The following CSGALNACT2 variants were observed in gnomAD, a reference collection of about 807,000 sequenced individuals.
The protein encoded by CSGALNACT2 is beta 4 GalNAcT-2.
CSGALNACT2 carries 35 observed loss-of-function variants against 55.3 expected under a neutral mutation model. The observed-to-expected ratio is 0.63, with a 90% CI of 0.48 to 0.84. CSGALNACT2 has a LOEUF of 0.84. Among genes scored for constraint, CSGALNACT2 ranks in the 40% least tolerant of loss-of-function variants. The pLI is 0.00. For missense variants in CSGALNACT2, 544 were observed against 657.5 expected, an observed-to-expected ratio of 0.83 and a Z score of 1.89; for synonymous variants, 196 against 224.9, an observed-to-expected ratio of 0.87 and a Z score of 1.15.
At chr10:43,174,967 AT>A (rs1396208274) in intron 6 of CSGALNACT2, among the ~76,000 whole-genome samples, 1 of 152,224 alleles carries the variant, frequency 6.6e-6, no homozygotes, top group Non-Finnish European at 1.5e-5. Context: ...ACTCAGTGTC[AT>A]CAATGCCCTG....
intron 6 of CSGALNACT2, among the ~76,000 whole-genome samples, chr10:43,173,363 C>G (rs1839418696): frequency 6.6e-6 from 1 of 152,162 alleles, no homozygotes; most frequent in Non-Finnish European, 1.5e-5. Flanking sequence ...ATCTGGCATT[C>G]TGTGAGAGGC....
At chr10:43,170,501 A>C (rs1839361634) in intron 6 of CSGALNACT2, among the ~76,000 whole-genome samples, 1 of 152,220 alleles carries the variant, frequency 6.6e-6, no homozygotes, top group South Asian at 2.1e-4. Flanking sequence ...TGAGCAATGA[A>C]ATAAATAACT....
At position 43,155,263 on chromosome 10, in the gene CSGALNACT2, T is replaced by C; in HGVS notation, c.114T>C (p.Thr38=). ...FMYLLECAPQ[T]DGNASLPGVV... is the part of the protein sequence containing the mutation. Reference sequence around the variant, plus strand: ...ACCTCCTGGAATGTGCCCCCCAGACTGATGGAAATGCATCTCTTCCTGGTG... The same window carrying C: ...ACCTCCTGGAATGTGCCCCCCAGACCGATGGAAATGCATCTCTTCCTGGTG... Residue 38 remains threonine (T), a synonymous_variant, in exon 2 of 8, where the codon ACT becomes ACC. Transcript: ENST00000374466. 1 of 1,614,164 alleles carries C rather than the reference T, an allele frequency of 6.2e-7. No individual in the cohort carries two copies. Among genetic ancestry groups the C allele is most frequent in the Non-Finnish European group, 8.5e-7 (1 of 1,180,024 alleles).
intron 5 of CSGALNACT2, among the ~76,000 whole-genome samples, chr10:43,164,256 C>T (rs1839212804): frequency 6.6e-6 from 1 of 152,264 alleles, no homozygotes; most frequent in South Asian, 2.1e-4. Flanking sequence ...TTGGGTCCAA[C>T]TTCCAGTGAC....
chr10:43,140,145 A>C (rs1164761320), intron 1 of CSGALNACT2, among the ~76,000 whole-genome samples: 3 of 152,214 alleles, frequency 2.0e-5, no homozygotes, highest in Non-Finnish European at 4.4e-5. Context: ...ACTGCACTCC[A>C]GCCTGGACGA....
chr10:43,163,747 G>A (rs1839200808), intron 4 of CSGALNACT2, 119 bp from the exon 5 acceptor site: 2 of 1,377,398 alleles, frequency 1.5e-6, no homozygotes, highest in Middle Eastern at 2.1e-4. Flanking sequence ...CTTTGTGAAT[G>A]TAGAACCAAT....
At chr10:43,146,050 CTAGAGGGACAG>C (rs1160104866) in intron 1 of CSGALNACT2, among the ~76,000 whole-genome samples, 2 of 151,944 alleles carry the variant, frequency 1.3e-5, no homozygotes, top group Non-Finnish European at 2.9e-5. Flanking sequence ...TCTGGGTTCT[CTAGAGGGACAG>C]AACTAAGAGG....
rs757489189 is a variant in CSGALNACT2 at position 43,183,575 on chromosome 10, A to T, written c.*33A>T. The stretch of plus-strand genomic sequence containing the variant: ...ATTAATGCGTTACTGTATGAACCAC[A>T]AAACAGCACTATTTATTTAGCCTTA... On this transcript the variant is annotated 3_prime_UTR_variant, in exon 8 of 8. Transcript: ENST00000374466. The T allele has an allele frequency of 6.4e-6, 10 of 1,565,900 alleles. No individual in the cohort carries two copies. The South Asian group carries it at 1.0e-4, about 16-fold the overall frequency.
chr10:43,158,852 A>G lies in CSGALNACT2; in HGVS notation c.799A>G (p.Ile267Val). The G allele has an allele frequency of 6.2e-7, 1 of 1,610,770 alleles. No homozygotes were observed. The highest frequency in any genetic ancestry group is 1.7e-4 in the Middle Eastern group (1 of 6,058). ...GAAAGTGAAGAGTGAGATGATTGAC[A>G]TCACTAGATCAATTATTAATATCAT... is the stretch of plus-strand genomic sequence containing the variant. ...LMKVKSEMID[I>V]TRSIINIIVP... Residue 267 changes from isoleucine (I) to valine (V), a missense_variant, in exon 3 of 8, where the codon ATC becomes GTC. Transcript: ENST00000374466.
intron 1 of CSGALNACT2, among the ~76,000 whole-genome samples, chr10:43,148,519 A>T (rs914429993): frequency 5.9e-5 from 9 of 152,186 alleles, no homozygotes; most frequent in African/African-American, 1.9e-4. Flanking sequence ...TCCAATCATG[A>T]GTGTGGTGTC....
At chr10:43,164,522 A>G (rs976747593) in intron 5 of CSGALNACT2, among the ~76,000 whole-genome samples, 4 of 152,218 alleles carry the variant, frequency 2.6e-5, no homozygotes, top group Non-Finnish European at 4.4e-5. Flanking sequence ...ATGATTTACT[A>G]TACTTTGCTT....
chr10:43,142,260 G>T (rs944076415), intron 1 of CSGALNACT2, among the ~76,000 whole-genome samples: 11 of 151,902 alleles, frequency 7.2e-5, no homozygotes, highest in African/African-American at 2.4e-4. Flanking sequence ...TGCCCAGGCT[G>T]GAGTGCAGTG....
intron 7 of CSGALNACT2, 139 bp from the exon 8 acceptor site, chr10:43,183,111 T>C: frequency 1.5e-6 from 1 of 681,056 alleles, no homozygotes; most frequent in Non-Finnish European, 2.6e-6. Context: ...GAGTCACTCC[T>C]CCATGCCAGG....
intron 1 of CSGALNACT2, among the ~76,000 whole-genome samples, chr10:43,140,375 T>A (rs1449475783): frequency 6.6e-6 from 1 of 152,244 alleles, no homozygotes; most frequent in Non-Finnish European, 1.5e-5. Flanking sequence ...ATCTTTTTTT[T>A]AATGTAATAG....
At chr10:43,146,713 A>G (rs933758789) in intron 1 of CSGALNACT2, among the ~76,000 whole-genome samples, 8 of 150,630 alleles carry the variant, frequency 5.3e-5, no homozygotes, top group African/African-American at 1.7e-4. Context: ...AGCTCTGGTA[A>G]CAGAGCAAGA....
At chr10:43,159,291 C>T (rs144240454) in intron 3 of CSGALNACT2, among the ~76,000 whole-genome samples, 1 of 151,632 alleles carries the variant, frequency 6.6e-6, no homozygotes. Flanking sequence ...TATCATGACT[C>T]TTTTTTTATT....
At chr10:43,162,712 G>A in intron 4 of CSGALNACT2, 1 of 983,246 alleles carries the variant, frequency 1.0e-6, no homozygotes, top group Non-Finnish European at 1.2e-6. Flanking sequence ...TGATTCTCCA[G>A]CTTCAGTGCC....
chr10:43,164,586 C>T lies in CSGALNACT2; in HGVS notation c.1159+542C>T, dbSNP rs184373126. 1.1e-4 allele frequency among the ~76,000 whole-genome samples: 17 copies of T among 152,308 alleles called. No homozygotes were observed. In the East Asian group the frequency reaches 1.9e-3, roughly 17 times the overall value. On this transcript the variant is annotated intron_variant, in intron 5 of 7. Transcript: ENST00000374466. ...TGAGATAGCCAGGTGCAGGGGCTCA[C>T]GCCTATAATCTCAGTACTTCGGGAG...
chr10:43,159,440 A>C (rs1839096733), intron 3 of CSGALNACT2, among the ~76,000 whole-genome samples: 1 of 152,072 alleles, frequency 6.6e-6, no homozygotes. Context: ...CTGGGACCAC[A>C]GGTGCATGCC....
Sources: allele counts gnomAD v4.1 joint callset (sites outside exome capture counted in the v4.1 genomes callset), GRCh38; gene constraint gnomAD v4.1.1; transcripts MANE v1.5; gene names NCBI Gene and HGNC (gene_info 2026-07-23, HGNC 2026-07-21).